TMEM51: variants seen among roughly 807,000 people sequenced by gnomAD.
TMEM51 encodes the protein transmembrane protein 51.
TMEM51 carries 8 observed loss-of-function variants against 13.6 expected under a neutral mutation model. That is an observed-to-expected ratio of 0.59 (90% CI 0.35 to 1.07). The LOEUF is 1.07. TMEM51 is among the 50% of genes least tolerant of loss of function. The pLI is 0.02. For missense variants in TMEM51, 279 were observed against 330.7 expected (o/e 0.84, Z 1.21); for synonymous variants, 147 against 144.4 (o/e 1.02, Z -0.13).
At chr1:15,179,691 A>T (rs895112865) in intron 1 of TMEM51, among the ~76,000 whole-genome samples, 1 of 152,096 alleles carries the variant, frequency 6.6e-6, no homozygotes, top group Non-Finnish European at 1.5e-5. Flanking sequence ...CTGAAACGGG[A>T]AGGATGGCTT....
In TMEM51 at chr1:15,172,020, A is replaced by C. The variant is rs370585657; in HGVS notation, c.-267+18066A>C. Among the ~76,000 whole-genome samples, 14 of 152,334 alleles carry C rather than the reference A, an allele frequency of 9.2e-5. No individual in the cohort carries two copies. The East Asian group carries it at 2.1e-3, about 23-fold the overall frequency. On this transcript the variant is annotated intron_variant, in intron 1 of 3. Transcript: ENST00000376008. ...AGTGGGACTCAGGAATCAGATTTTCAAACAAGCTCTCTAGCTGATTAACAT... is the reference window on the plus strand; with the variant it reads ...AGTGGGACTCAGGAATCAGATTTTCCAACAAGCTCTCTAGCTGATTAACAT...
At chr1:15,217,818 G>A (rs532888574) in intron 3 of TMEM51, among the ~76,000 whole-genome samples, 85 of 152,264 alleles carry the variant, frequency 5.6e-4, no homozygotes, top group Middle Eastern at 3.4e-3. Context: ...AGAGCCCACC[G>A]AGCTGAATGC....
At chr1:15,155,031 G>C (rs1289669809) in intron 1 of TMEM51, among the ~76,000 whole-genome samples, 2 of 152,204 alleles carry the variant, frequency 1.3e-5, no homozygotes, top group Non-Finnish European at 2.9e-5. Context: ...CTAGGGAACT[G>C]TTGGCCCTGG....
In TMEM51 at chr1:15,188,531, C is replaced by A. The variant is rs568674711; in HGVS notation, c.-266-21959C>A. Among the ~76,000 whole-genome samples, 557 of 152,336 alleles carry A rather than the reference C, an allele frequency of 3.7e-3. 1 individual carries two copies. Among genetic ancestry groups the A allele is most frequent in the South Asian group, 6.2e-3 (30 of 4,828 alleles). ...AGCCCAGCATGGCCATACCCCAGGG[C>A]CCCCAAAGACCCTTGTTGGGAATCA... On this transcript the variant is annotated intron_variant, in intron 1 of 3. Transcript: ENST00000376008.
chr1:15,177,577 G>C (rs4661590), intron 1 of TMEM51, among the ~76,000 whole-genome samples: 51 of 152,252 alleles, frequency 3.3e-4, no homozygotes, highest in Admixed American at 9.8e-4. Context: ...CAGACTGAAG[G>C]GGGGGGCCTG....
intron 1 of TMEM51, among the ~76,000 whole-genome samples, chr1:15,182,100 G>A (rs1460122423): frequency 6.6e-6 from 1 of 152,032 alleles, no homozygotes; most frequent in Non-Finnish European, 1.5e-5. Flanking sequence ...GGTGGAGGTT[G>A]CAGTTAGCCG....
rs59346950 is a variant in TMEM51 at position 15,189,213 on chromosome 1, C to CTTTTTTTTTTTTTTTTTTTTTTTTTTT, written c.-266-21255_-266-21254insTTTTTTTTTTTTTTTTTTTTTTTTTTT. ...CTTCACCACACCCAGCTAATTTTTC[C>CTTTTTTTTTTTTTTTTTTTTTTTTTTT]TTTTTTTTTTTTTTTTTTTTTTAGT... On this transcript the variant is annotated intron_variant, in intron 1 of 3. Coordinates refer to ENST00000376008, the MANE Select transcript of TMEM51 (RefSeq NM_001136218.2). Among the ~76,000 whole-genome samples the CTTTTTTTTTTTTTTTTTTTTTTTTTTT allele has an allele frequency of 3.2e-5, 3 of 92,830 alleles. 1 individual carries two copies. Among genetic ancestry groups the CTTTTTTTTTTTTTTTTTTTTTTTTTTT allele is most frequent in the Non-Finnish European group, 6.4e-5 (3 of 46,610 alleles). 60.9% of individuals were successfully genotyped at this position (92,830 alleles called of 152,430 possible).
intron 1 of TMEM51, among the ~76,000 whole-genome samples, chr1:15,196,040 T>G (rs927567046): frequency 2.6e-5 from 4 of 152,202 alleles, no homozygotes; most frequent in Non-Finnish European, 5.9e-5. Context: ...GAGTTTTTAT[T>G]CCTGCGACTT....
intron 2 of TMEM51, among the ~76,000 whole-genome samples, chr1:15,213,739 CTG>C (rs1417894820): frequency 2.0e-4 from 30 of 152,182 alleles, no homozygotes; most frequent in Admixed American, 2.0e-3. Flanking sequence ...ATGTGCAGGC[CTG>C]TGTCCCTTTT....
rs1644492091 is a variant in TMEM51, at chr1:15,219,939, C to T, written c.*196C>T. 3.2e-6 allele frequency: 2 copies of T among 620,438 alleles called. No individual in the cohort carries two copies. The allele number at this position is 620,438 out of a possible 1,614,324, so 38.4% of individuals were successfully genotyped here. ...CCCACACAGCCTCCTGCTGCAGGTG[C>T]TTTGGAAAGAGATGCTGCCTTGGAG... On this transcript the variant is annotated 3_prime_UTR_variant, in exon 4 of 4. Transcript: ENST00000376008.
At chr1:15,214,189 A>G (rs6429728) in intron 2 of TMEM51, among the ~76,000 whole-genome samples, 105,768 of 151,710 alleles carry the variant, frequency 0.7, 37,189 homozygotes, top group East Asian at 0.95. Context: ...AGATGATGAC[A>G]ATGTGGTCAT....
At chr1:15,159,341 C>T (rs993918701) in intron 1 of TMEM51, among the ~76,000 whole-genome samples, 7 of 152,168 alleles carry the variant, frequency 4.6e-5, no homozygotes, top group Non-Finnish European at 8.8e-5. Flanking sequence ...TTGACCCCTC[C>T]ACAAATGAGC....
intron 1 of TMEM51, among the ~76,000 whole-genome samples, chr1:15,163,140 T>TG (rs1642847966): frequency 6.6e-6 from 1 of 152,000 alleles, no homozygotes; most frequent in South Asian, 2.1e-4. Flanking sequence ...TTCCAGGCTT[T>TG]GGGGGGAAAC....
chr1:15,163,199 T>C (rs1401406387), intron 1 of TMEM51, among the ~76,000 whole-genome samples: 2 of 151,998 alleles, frequency 1.3e-5, no homozygotes, highest in African/African-American at 4.8e-5. Flanking sequence ...TTACACCTTA[T>C]TAGGCAGCAG....
intron 1 of TMEM51, among the ~76,000 whole-genome samples, chr1:15,159,616 G>A (rs1642705076): frequency 6.6e-6 from 1 of 152,160 alleles, no homozygotes; most frequent in Admixed American, 6.5e-5. Context: ...GACTGCAGTG[G>A]TGCAATCTTG....
chr1:15,197,707 A>T (rs1644076431), intron 1 of TMEM51, among the ~76,000 whole-genome samples: 1 of 152,016 alleles, frequency 6.6e-6, no homozygotes, highest in African/African-American at 2.4e-5. Context: ...CATTTTACAG[A>T]TGAGGAAACC....
intron 1 of TMEM51, among the ~76,000 whole-genome samples, chr1:15,167,932 A>T (rs893495553): frequency 6.6e-6 from 1 of 152,198 alleles, no homozygotes; most frequent in African/African-American, 2.4e-5. Flanking sequence ...TAGGAAACTA[A>T]TATATGCACA....
intron 1 of TMEM51, chr1:15,192,470 T>TTTTTTTTA (rs3078880): frequency 2.8e-5 from 7 of 250,824 alleles, no homozygotes; most frequent in Non-Finnish European, 4.6e-5. Context: ...CCTTTTTTTT[T>TTTTTTTTA]ATGACAGAAT....
intron 1 of TMEM51, among the ~76,000 whole-genome samples, chr1:15,194,000 A>G (rs1040786461): frequency 6.6e-6 from 1 of 151,898 alleles, no homozygotes; most frequent in Non-Finnish European, 1.5e-5. Flanking sequence ...AGATTCCACT[A>G]TACCACTATG....
Sources: allele counts gnomAD v4.1 joint callset (sites outside exome capture counted in the v4.1 genomes callset), GRCh38; gene constraint gnomAD v4.1.1; transcripts MANE v1.5; gene names NCBI Gene and HGNC (gene_info 2026-07-23, HGNC 2026-07-21).